NPSR1: variants seen among roughly 807,000 people sequenced by gnomAD.
NPSR1 encodes neuropeptide S receptor 1.
In NPSR1, 48 loss-of-function variants were observed where a neutral mutation model predicts 46.9. That is an observed-to-expected ratio of 1.02 (90% confidence interval 0.81 to 1.30). The LOEUF (loss-of-function observed/expected upper bound fraction) is 1.30, where lower values mean the gene tolerates loss of function less well. Among genes scored for constraint, NPSR1 ranks in the 50% most tolerant of loss-of-function variants. The pLI is 0.00. For synonymous variants in NPSR1, 176 were observed against 168.1 expected, an observed-to-expected ratio of 1.05 and a Z score of -0.36; for missense variants, 450 against 449.5, an observed-to-expected ratio of 1.00 and a Z score of -0.01.
chr7:34,693,121 C>T (rs1282146705), intron 2 of NPSR1, among the ~76,000 whole-genome samples: 1 of 152,152 alleles, frequency 6.6e-6, no homozygotes, highest in East Asian at 1.9e-4. Flanking sequence ...GATGTGCCTG[C>T]TCCCTCTTCG....
intron 8 of NPSR1, among the ~76,000 whole-genome samples, chr7:34,873,568 G>A (rs1298656592): frequency 6.6e-6 from 1 of 151,654 alleles, no homozygotes; most frequent in Non-Finnish European, 1.5e-5. Context: ...CATGGTCAGA[G>A]CAGGAGCAAG....
chr7:34,810,125 C>A (rs1788910165), intron 3 of NPSR1, among the ~76,000 whole-genome samples: 1 of 152,108 alleles, frequency 6.6e-6, no homozygotes, highest in Non-Finnish European at 1.5e-5. Context: ...AGAGAAAGAA[C>A]AAAAAGGCAC....
intron 7 of NPSR1, among the ~76,000 whole-genome samples, chr7:34,847,571 A>G (rs1790782106): frequency 1.3e-5 from 2 of 152,118 alleles, no homozygotes; most frequent in African/African-American, 4.8e-5. Flanking sequence ...GATGGGGTAC[A>G]TTTCAGTTTG....
chr7:34,803,132 G>T (rs1015989257), intron 3 of NPSR1, among the ~76,000 whole-genome samples: 4 of 151,250 alleles, frequency 2.6e-5, no homozygotes, highest in Non-Finnish European at 5.9e-5. Flanking sequence ...CTGTAAACTA[G>T]TTCAACCCTT....
downstream of NPSR1, among the ~76,000 whole-genome samples, chr7:34,853,763 G>A (rs1159218317): frequency 6.6e-6 from 1 of 152,018 alleles, no homozygotes; most frequent in Non-Finnish European, 1.5e-5. Flanking sequence ...ACAGGAGTTC[G>A]AGACCATCCC....
At chr7:34,790,916 TC>T (rs1787762477) in intron 3 of NPSR1, among the ~76,000 whole-genome samples, 2 of 133,046 alleles carry the variant, frequency 1.5e-5, no homozygotes, top group Non-Finnish European at 3.1e-5. Context: ...ATATTATATA[TC>T]ATATATGTTA....
intron 3 of NPSR1, among the ~76,000 whole-genome samples, chr7:34,793,105 T>C (rs1245131794): frequency 2.0e-5 from 3 of 151,332 alleles, no homozygotes; most frequent in African/African-American, 2.4e-5. Context: ...AGTGAGAGGA[T>C]TGCTTGAGCC....
At chr7:34,818,044 C>A (rs1228146395) in intron 4 of NPSR1, among the ~76,000 whole-genome samples, 1 of 151,854 alleles carries the variant, frequency 6.6e-6, no homozygotes, top group Non-Finnish European at 1.5e-5. Flanking sequence ...TCCTATTCAA[C>A]ATAGTGTTGG....
intron 2 of NPSR1, among the ~76,000 whole-genome samples, chr7:34,718,015 A>T (rs900432224): frequency 6.6e-6 from 1 of 152,230 alleles, no homozygotes; most frequent in Non-Finnish European, 1.5e-5. Flanking sequence ...TCCTGATGAC[A>T]TATTTTAGGG....
chr7:34,790,724 T>TTATATGTTATATATTATATATAA (rs1787714650), intron 3 of NPSR1, among the ~76,000 whole-genome samples: 3 of 112,820 alleles, frequency 2.7e-5, no homozygotes, highest in Non-Finnish European at 5.6e-5. Flanking sequence ...ATAATATATG[T>TTATATGTTATATATTATATATAA]TATATGTTAT....
chr7:34,715,394 T>C (rs993460721), intron 2 of NPSR1, among the ~76,000 whole-genome samples: 14 of 152,094 alleles, frequency 9.2e-5, no homozygotes, highest in African/African-American at 3.4e-4. Context: ...AACATTTGAG[T>C]CAGAAAACCC....
chr7:34,693,037 T>C (rs757213615), intron 2 of NPSR1, among the ~76,000 whole-genome samples: 1 of 152,196 alleles, frequency 6.6e-6, no homozygotes, highest in South Asian at 2.1e-4. Context: ...GCCCTCATGA[T>C]AGTGAATGAG....
intron 6 of NPSR1, among the ~76,000 whole-genome samples, chr7:34,838,240 G>A (rs1420403852): frequency 6.6e-6 from 1 of 152,120 alleles, no homozygotes; most frequent in East Asian, 1.9e-4. Flanking sequence ...TCCAGTCCTT[G>A]AAACTGTACA....
intron 5 of NPSR1, among the ~76,000 whole-genome samples, chr7:34,832,825 G>A (rs780205757): frequency 5.3e-5 from 8 of 152,154 alleles, no homozygotes; most frequent in African/African-American, 1.9e-4. Context: ...AACTTTCCAT[G>A]GTGAGTGTAA....
At chr7:34,759,791 G>A (rs1408138014) in intron 2 of NPSR1, among the ~76,000 whole-genome samples, 1 of 152,172 alleles carries the variant, frequency 6.6e-6, no homozygotes. Flanking sequence ...GGGATATTTG[G>A]AGTTATCACA....
At chr7:34,877,963 G>A (rs375985097) in intron 8 of NPSR1, 1 of 612,100 alleles carries the variant, frequency 1.6e-6, no homozygotes, top group Non-Finnish European at 2.9e-6. Flanking sequence ...GAGGCGGGAG[G>A]TAGACTATAT....
At chr7:34,715,263 C>G (rs1210171914) in intron 2 of NPSR1, among the ~76,000 whole-genome samples, 1 of 152,212 alleles carries the variant, frequency 6.6e-6, no homozygotes, top group Admixed American at 6.5e-5. Flanking sequence ...CTATCCCAAG[C>G]CAGCATTGCT....
At chr7:34,709,539 A>G (rs2128701290) in intron 2 of NPSR1, among the ~76,000 whole-genome samples, 1 of 152,214 alleles carries the variant, frequency 6.6e-6, no homozygotes, top group South Asian at 2.1e-4. Flanking sequence ...TCTGTGACCA[A>G]CCTGATGAAT....
At position 34,848,655 on chromosome 7, in the gene NPSR1, C is replaced by T. The variant is rs1268546418; in HGVS notation, c.1017C>T (p.Phe339=). The part of the protein sequence containing the change: ...IYCVFSSSIS[F]PCREQRSQDS... ...GTGTCTTCAGCAGCTCCATCTCTTT[C>T]CCCTGCAGGTAAGGGGAGCTCTTGC... Residue 339 remains phenylalanine, a synonymous_variant, in exon 8 of 9, where the codon TTC becomes TTT. Transcript: ENST00000360581. 6.2e-6 allele frequency: 10 copies of T among 1,613,782 alleles called. No homozygotes were observed. The highest frequency in any genetic ancestry group is 1.1e-5 in the South Asian group (1 of 91,070).
Sources: gnomAD v4.1 joint callset for allele counts (sites outside exome capture counted in the v4.1 genomes callset) on GRCh38, gnomAD v4.1.1 for gene constraint, MANE v1.5 for transcripts, NCBI Gene and HGNC (gene_info 2026-07-23, HGNC 2026-07-21) for gene names.